The following CNTN5 variants were observed in gnomAD, a reference collection of about 807,000 sequenced individuals.
The protein encoded by CNTN5 is contactin 5.
In CNTN5, 77 loss-of-function variants were observed where a neutral mutation model predicts 129.1. The observed-to-expected ratio is 0.60, with a 90% CI of 0.50 to 0.72. The LOEUF (loss-of-function observed/expected upper bound fraction) is 0.72, where lower values mean the gene tolerates loss of function less well. CNTN5 is among the 30% of genes least tolerant of loss of function. CNTN5 has a pLI of 0.00. For missense variants in CNTN5, 1,478 were observed against 1,328.8 expected, an observed-to-expected ratio of 1.11 and a Z score of -1.75; for synonymous variants, 509 against 465.6, an observed-to-expected ratio of 1.09 and a Z score of -1.20.
chr11:99,438,633 T>TA (rs1476408068), intron 2 of CNTN5, among the ~76,000 whole-genome samples: 1 of 152,164 alleles, frequency 6.6e-6, no homozygotes, highest in Non-Finnish European at 1.5e-5. Context: ...TAGCAAAACA[T>TA]AAAAATTATC....
At chr11:100,032,009 A>G (rs1941738037) in intron 9 of CNTN5, among the ~76,000 whole-genome samples, 2 of 152,210 alleles carry the variant, frequency 1.3e-5, no homozygotes, top group South Asian at 4.1e-4. Flanking sequence ...CGATCCACAT[A>G]GGAACAAGGA....
At chr11:99,167,071 G>A (rs1171617764) in intron 1 of CNTN5, among the ~76,000 whole-genome samples, 1 of 151,936 alleles carries the variant, frequency 6.6e-6, no homozygotes, top group Non-Finnish European at 1.5e-5. Context: ...ACAGGAATAT[G>A]GTTCTTTTTG....
intron 6 of CNTN5, among the ~76,000 whole-genome samples, chr11:99,854,027 A>G (rs1020554264): frequency 2.6e-5 from 4 of 152,154 alleles, no homozygotes; most frequent in African/African-American, 9.7e-5. Context: ...TAATGTATGC[A>G]TGTAGAATTT....
intron 1 of CNTN5, among the ~76,000 whole-genome samples, chr11:99,106,079 T>C (rs1866979517): frequency 6.6e-6 from 1 of 152,042 alleles, no homozygotes; most frequent in African/African-American, 2.4e-5. Flanking sequence ...TTTTTAAAAA[T>C]AGTCTGAAAG....
In CNTN5 at chr11:99,844,915, C is replaced by A; in HGVS notation, c.341C>A (p.Ser114Tyr). ...EPDDIIFPTD[S>Y]DEKKVALNCE... The stretch of plus-strand genomic sequence containing the variant: ...GATGATATTATTTTTCCAACTGATT[C>A]TGATGAAAAGAAGGTAGCATTGAAT... Residue 114 changes from serine (S) to tyrosine (Y), a missense_variant, in exon 5 of 25, where the codon TCT (serine) becomes TAT (tyrosine). Coordinates refer to ENST00000524871, the MANE Select transcript of CNTN5 (RefSeq NM_014361.4). 6.2e-7 allele frequency: 1 copy of A among 1,613,718 alleles called. No homozygotes were observed. The highest frequency in any genetic ancestry group is 8.5e-7 in the Non-Finnish European group (1 of 1,179,702).
intron 1 of CNTN5, among the ~76,000 whole-genome samples, chr11:99,085,747 T>C (rs1865979667): frequency 6.6e-6 from 1 of 152,182 alleles, no homozygotes; most frequent in African/African-American, 2.4e-5. Context: ...AACACAATAA[T>C]GCTGAATAAT....
chr11:100,147,525 G>A (rs2138287345), intron 13 of CNTN5, among the ~76,000 whole-genome samples: 1 of 152,206 alleles, frequency 6.6e-6, no homozygotes, highest in Non-Finnish European at 1.5e-5. Context: ...CTTGCCTGCA[G>A]CTGGGTCAGT....
At chr11:99,312,480 AT>A (rs1266688572) in intron 1 of CNTN5, among the ~76,000 whole-genome samples, 1 of 152,068 alleles carries the variant, frequency 6.6e-6, no homozygotes, top group South Asian at 2.1e-4. Context: ...AAGAAATACA[AT>A]TTTTTCTCCG....
intron 13 of CNTN5, among the ~76,000 whole-genome samples, chr11:100,176,240 A>G (rs2138428948): frequency 6.7e-6 from 1 of 150,306 alleles, no homozygotes; most frequent in Non-Finnish European, 1.5e-5. Flanking sequence ...GGCTGGTCAC[A>G]AACTCCTGAC....
At chr11:99,510,462 T>C (rs1413888184) in intron 2 of CNTN5, among the ~76,000 whole-genome samples, 1 of 152,200 alleles carries the variant, frequency 6.6e-6, no homozygotes, top group East Asian at 1.9e-4. Context: ...TCTACAATCT[T>C]GTTAACAGAA....
rs527991641 is a variant in CNTN5 at position 99,752,885 on chromosome 11, C to T, written c.56-66659C>T. Among the ~76,000 whole-genome samples the T allele has an allele frequency of 1.2e-4, 19 of 152,150 alleles. 1 individual carries two copies. The South Asian group carries it at 3.5e-3, about 28-fold the overall frequency. ...TTTCAGTAAGAGTGCAGCATGAGGT[C>T]ACAGGAAGAATAGAATATACAAGTG... is the stretch of plus-strand genomic sequence containing the variant. On this transcript the variant is annotated intron_variant, in intron 3 of 24. Transcript: ENST00000524871.
intron 13 of CNTN5, among the ~76,000 whole-genome samples, chr11:100,159,701 G>A (rs778458969): frequency 7.2e-5 from 11 of 151,878 alleles, no homozygotes; most frequent in Non-Finnish European, 8.8e-5. Context: ...GACAAAGGTC[G>A]TTAGGTTCTC....
At chr11:100,228,982 G>T (rs1949435947) in intron 16 of CNTN5, among the ~76,000 whole-genome samples, 1 of 152,098 alleles carries the variant, frequency 6.6e-6, no homozygotes, top group African/African-American at 2.4e-5. Context: ...TGACAGAAAG[G>T]CATTAATCTA....
At chr11:100,077,791 C>T (rs1304527197) in intron 13 of CNTN5, among the ~76,000 whole-genome samples, 1 of 152,044 alleles carries the variant, frequency 6.6e-6, no homozygotes, top group Non-Finnish European at 1.5e-5. Context: ...GAGCCATAAT[C>T]ATACCACTGA....
At chr11:99,575,126 A>G (rs1213747895) in intron 3 of CNTN5, among the ~76,000 whole-genome samples, 1 of 152,210 alleles carries the variant, frequency 6.6e-6, no homozygotes, top group Non-Finnish European at 1.5e-5. Flanking sequence ...ATCTTTTATT[A>G]TAAAGTCTCA....
intron 8 of CNTN5, among the ~76,000 whole-genome samples, chr11:99,969,850 A>T (rs1048778380): frequency 3.3e-5 from 5 of 152,112 alleles, no homozygotes; most frequent in Non-Finnish European, 7.4e-5. Flanking sequence ...GAATTTAAGG[A>T]GGCTTATCTT....
chr11:99,297,014 G>A (rs1421655780), intron 1 of CNTN5, among the ~76,000 whole-genome samples: 1 of 152,188 alleles, frequency 6.6e-6, no homozygotes, highest in South Asian at 2.1e-4. Context: ...TAGCTACTGA[G>A]CTATAGCACA....
intron 16 of CNTN5, among the ~76,000 whole-genome samples, chr11:100,243,458 A>C (rs995731763): frequency 1.3e-5 from 2 of 152,184 alleles, no homozygotes; most frequent in African/African-American, 4.8e-5. Flanking sequence ...TGGGACAGGA[A>C]ACCTCTGACA....
chr11:99,447,883 C>T (rs1268406969), intron 2 of CNTN5, among the ~76,000 whole-genome samples: 1 of 152,048 alleles, frequency 6.6e-6, no homozygotes, highest in South Asian at 2.1e-4. Flanking sequence ...CAAGATCGTG[C>T]CATTGCACTC....
Sources: gnomAD v4.1 joint callset for allele counts (sites outside exome capture counted in the v4.1 genomes callset) on GRCh38, gnomAD v4.1.1 for gene constraint, MANE v1.5 for transcripts, NCBI Gene and HGNC (gene_info 2026-07-23, HGNC 2026-07-21) for gene names.